Variants in SLC4A7 observed in about 807,000 individuals in gnomAD.
SLC4A7 encodes the protein sodium bicarbonate cotransporter 3.
Under a neutral mutation model 137.6 loss-of-function variants are expected in SLC4A7, and 51 were observed. That is an observed-to-expected ratio of 0.37 (90% CI 0.30 to 0.47). The LOEUF (loss-of-function observed/expected upper bound fraction) is 0.47, where lower values mean the gene tolerates loss of function less well. Among genes scored for constraint, SLC4A7 ranks in the 20% least tolerant of loss-of-function variants. The pLI is 1.00. For synonymous variants in SLC4A7, 542 were observed against 518.6 expected, an observed-to-expected ratio of 1.05 and a Z score of -0.61; for missense variants, 1,247 against 1,525.4, an observed-to-expected ratio of 0.82 and a Z score of 3.04.
At chr3:27,454,322 T>C (rs2058274391) in intron 1 of SLC4A7, among the ~76,000 whole-genome samples, 1 of 151,890 alleles carries the variant, frequency 6.6e-6, no homozygotes, top group South Asian at 2.1e-4. Flanking sequence ...AAAAATTAGC[T>C]GGGCGTGGTA....
chr3:27,418,683 T>C (rs1455587817), intron 10 of SLC4A7, 51 bp from the exon 11 acceptor site: 4 of 1,133,090 alleles, frequency 3.5e-6, no homozygotes, highest in South Asian at 2.8e-5. Flanking sequence ...AAAAAATTTC[T>C]ACACATAGTA....
At chr3:27,455,674 T>TC (rs1258932021) in intron 1 of SLC4A7, among the ~76,000 whole-genome samples, 1 of 150,912 alleles carries the variant, frequency 6.6e-6, no homozygotes, top group Non-Finnish European at 1.5e-5. Flanking sequence ...GGTCAGGAGT[T>TC]CAAGACCAGC....
intron 7 of SLC4A7, among the ~76,000 whole-genome samples, chr3:27,424,780 T>C (rs546797315): frequency 3.2e-4 from 49 of 152,198 alleles, no homozygotes; most frequent in Non-Finnish European, 6.5e-4. Flanking sequence ...GAGTAAGAGT[T>C]TTATAACCAA....
At chr3:27,383,706 A>G (rs906216439) in intron 23 of SLC4A7, among the ~76,000 whole-genome samples, 1 of 152,204 alleles carries the variant, frequency 6.6e-6, no homozygotes, top group Non-Finnish European at 1.5e-5. Context: ...AGTATTTCAC[A>G]GCACCTCAGA....
chr3:27,392,808 G>C (rs2051711123), intron 20 of SLC4A7, among the ~76,000 whole-genome samples: 1 of 151,670 alleles, frequency 6.6e-6, no homozygotes, highest in Admixed American at 6.6e-5. Context: ...CCTGGGTGAT[G>C]GAGTGAGACT....
rs531254373 is a variant in SLC4A7, at chr3:27,436,655, T to G, written c.429-107A>C. ...TCTTTAAAGAAAAAAAAAAAAGAAA[T>G]AAAGAAAACCACGACCAAACACGTT... is the stretch of plus-strand genomic sequence containing the variant. On this transcript the variant is annotated intron_variant, in intron 4 of 25. Coordinates refer to ENST00000454389, the MANE Select transcript of SLC4A7 (RefSeq NM_001321103.2). 11 of 731,734 alleles carry G rather than the reference T, an allele frequency of 1.5e-5. No homozygotes were observed. The South Asian group carries it at 1.9e-4, about 12-fold the overall frequency. 45.3% of individuals were successfully genotyped at this position (731,734 alleles called of 1,614,324 possible). A position where few individuals can be genotyped will look rare whatever the true frequency, so the allele number is the denominator to read the frequency against.
chr3:27,386,251 T>C (rs995401527), intron 22 of SLC4A7, among the ~76,000 whole-genome samples: 1 of 151,106 alleles, frequency 6.6e-6, no homozygotes, highest in Non-Finnish European at 1.5e-5. Context: ...ATGGCATTCT[T>C]AACCTTCTCC....
intron 11 of SLC4A7, among the ~76,000 whole-genome samples, chr3:27,413,721 G>A (rs2054122326): frequency 6.6e-6 from 1 of 152,128 alleles, no homozygotes; most frequent in Non-Finnish European, 1.5e-5. Flanking sequence ...ATGATGAAAT[G>A]TATATTTTGG....
At position 27,409,364 on chromosome 3, in the gene SLC4A7, C is replaced by T. The variant is rs765298130; in HGVS notation, c.1933G>A (p.Gly645Ser). The T allele has an allele frequency of 1.9e-6, 3 of 1,608,484 alleles. No homozygotes were observed. Among genetic ancestry groups the T allele is most frequent in the Admixed American group, 1.7e-5 (1 of 58,812 alleles). The change falls in exon 13 of 26, where the codon GGC becomes AGC. Residue 645 changes from glycine to serine, a missense_variant. Gly to Ser is a moderately conservative substitution (Grantham distance 56, BLOSUM62 0). Around this residue, in one of 6 missense-constraint regions of SLC4A7, gnomAD observed 499 missense variants for 664.2 expected, o/e 0.75. Coordinates refer to ENST00000454389, the MANE Select transcript of SLC4A7 (RefSeq NM_001321103.2). ...CCAATCTTTGTACTCACTATTCTGC[C>T]TTCTGTAGCTTCTCCAAGCAGCCCT... is the stretch of plus-strand genomic sequence containing the variant. ...FGGLLGEATEGRISAIESLFG... is the reference protein window; with the variant it reads ...FGGLLGEATESRISAIESLFG...
intron 10 of SLC4A7, among the ~76,000 whole-genome samples, chr3:27,419,128 C>CA (rs1158405300): frequency 2.6e-5 from 4 of 151,820 alleles, no homozygotes; most frequent in African/African-American, 7.3e-5. Flanking sequence ...TACTCAAGAA[C>CA]CTTTTTTTCT....
Position 27,373,867 on chromosome 3 carries a change from A to C in SLC4A7, c.*2897T>G, listed in dbSNP as rs941794762. On this transcript the variant is annotated 3_prime_UTR_variant, in exon 26 of 26. Coordinates refer to ENST00000454389, the MANE Select transcript of SLC4A7 (RefSeq NM_001321103.2). ...GCACATAAAATATTTCGTCCTAGAC[A>C]TCTTTACAGAAGACTTGGCAAATAT... 1 of 152,606 alleles carries C rather than the reference A, an allele frequency of 6.6e-6. No homozygotes were observed. The highest frequency in any genetic ancestry group is 1.9e-4 in the East Asian group (1 of 5,202). The allele number at this position is 152,606 out of a possible 1,614,324, so 9.5% of individuals were successfully genotyped here. A position where few individuals can be genotyped will look rare whatever the true frequency, so the allele number is the denominator to read the frequency against.
intron 1 of SLC4A7, chr3:27,456,568 C>G: frequency 1.0e-6 from 1 of 960,880 alleles, no homozygotes; most frequent in South Asian, 1.3e-5. Context: ...GCTAATAAGC[C>G]TGACATTTCT....
chr3:27,459,167 G>A (rs2058565004), intron 1 of SLC4A7, among the ~76,000 whole-genome samples: 1 of 152,098 alleles, frequency 6.6e-6, no homozygotes, highest in African/African-American at 2.4e-5. Context: ...ATTTGAGTGG[G>A]ACGAAGGGAA....
At chr3:27,400,935 A>C in intron 15 of SLC4A7, 66 bp from the exon 16 acceptor site, 1 of 889,218 alleles carries the variant, frequency 1.1e-6, no homozygotes, top group South Asian at 1.5e-5. Flanking sequence ...TTACTAAATC[A>C]ATTATACAAT....
At chr3:27,423,767 T>G (rs1417903627) in intron 8 of SLC4A7, 11 of 318,136 alleles carry the variant, frequency 3.5e-5, no homozygotes, top group Non-Finnish European at 5.8e-5. Context: ...TGGGTAGGTA[T>G]GGATGGAAAT....
At position 27,446,687 on chromosome 3, in the gene SLC4A7, G is replaced by A. The variant is rs777519179; in HGVS notation, c.289+1964C>T. On this transcript the variant is annotated intron_variant, in intron 3 of 25. Transcript: ENST00000454389. ...ATATCCTAAACTGAATGGCTGTGATGTATAGAACAGTTTTTTACTGTTTAA... is the reference window on the plus strand; with the variant it reads ...ATATCCTAAACTGAATGGCTGTGATATATAGAACAGTTTTTTACTGTTTAA... 8.9e-4 allele frequency among the ~76,000 whole-genome samples: 136 copies of A among 151,992 alleles called. 1 individual carries two copies. The highest frequency in any genetic ancestry group is 7.6e-4 in the Non-Finnish European group (52 of 67,986).
intron 1 of SLC4A7, among the ~76,000 whole-genome samples, chr3:27,458,322 A>C (rs1243813959): frequency 1.3e-5 from 2 of 152,210 alleles, no homozygotes; most frequent in African/African-American, 4.8e-5. Flanking sequence ...CTAAAGTCTT[A>C]CTACCCAGCT....
rs1285108709 is a variant in SLC4A7 at position 27,373,528 on chromosome 3, T to C, written c.*3236A>G. The C allele has an allele frequency of 1.3e-5, 2 of 152,178 alleles. No homozygotes were observed. The highest frequency in any genetic ancestry group is 2.4e-5 in the African/African-American group (1 of 41,466). 9.4% of individuals were successfully genotyped at this position (152,178 alleles called of 1,614,324 possible). On this transcript the variant is annotated 3_prime_UTR_variant, in exon 26 of 26. Coordinates refer to ENST00000454389, the MANE Select transcript of SLC4A7 (RefSeq NM_001321103.2). ...ATAAACATTTTTAATTACAGCGTTATATCAATGGCTTACACAGTTGAAATC... is the reference window on the plus strand; with the variant it reads ...ATAAACATTTTTAATTACAGCGTTACATCAATGGCTTACACAGTTGAAATC...
At chr3:27,384,323 T>A (rs2050723208) in intron 23 of SLC4A7, among the ~76,000 whole-genome samples, 1 of 152,176 alleles carries the variant, frequency 6.6e-6, no homozygotes, top group Non-Finnish European at 1.5e-5. Context: ...TATTTTGCCT[T>A]CTATCCCTTC....
Sources: allele counts gnomAD v4.1 joint callset (sites outside exome capture counted in the v4.1 genomes callset), GRCh38; gene constraint gnomAD v4.1.1; regional missense constraint gnomAD v4.1.1; transcripts MANE v1.5; gene names NCBI Gene and HGNC (gene_info 2026-07-23, HGNC 2026-07-21).